GAD2: variants seen among roughly 807,000 people sequenced by gnomAD.
The protein encoded by GAD2 is 65 kDa glutamic acid decarboxylase.
Under a neutral mutation model 80.1 loss-of-function variants are expected in GAD2, and 22 were observed. The ratio of observed to expected loss-of-function variants is 0.27; its 90% confidence interval spans 0.20 to 0.39. The LOEUF (loss-of-function observed/expected upper bound fraction) is 0.39, where lower values mean the gene tolerates loss of function less well. GAD2 is among the 10% of genes least tolerant of loss of function. The pLI, the probability that GAD2 is intolerant of heterozygous loss-of-function variation, is 1.00. For synonymous variants in GAD2, 274 were observed against 256.9 expected (o/e 1.07, Z -0.64); for missense variants, 624 against 738.4 (o/e 0.85, Z 1.80).
At chr10:26,276,650 A>G (rs1845211175) in intron 11 of GAD2, among the ~76,000 whole-genome samples, 1 of 152,050 alleles carries the variant, frequency 6.6e-6, no homozygotes, top group African/African-American at 2.4e-5. Flanking sequence ...GGCCTCCCAA[A>G]ATGCTAGTAT....
chr10:26,297,926 C>A (rs1834292621), intron 15 of GAD2, among the ~76,000 whole-genome samples: 1 of 152,094 alleles, frequency 6.6e-6, no homozygotes, highest in Non-Finnish European at 1.5e-5. Context: ...AACATACATC[C>A]CATGTTTACT....
chr10:26,218,120 A>C (rs1844404631), intron 3 of GAD2, 129 bp downstream of exon 3: 2 of 995,148 alleles, frequency 2.0e-6, no homozygotes, highest in Non-Finnish European at 1.5e-6. Flanking sequence ...GGGACCTGCC[A>C]GAATCTTCAG....
At chr10:26,218,093 G>T in intron 3 of GAD2, 102 bp downstream of exon 3, 1 of 1,272,974 alleles carries the variant, frequency 7.9e-7, no homozygotes, top group South Asian at 1.5e-5. Flanking sequence ...CAGGGGCGTC[G>T]AGGTGGCAGC....
rs748178792 is a variant in GAD2 at position 26,270,806 on chromosome 10, A to G, written c.1092+50A>G. On this transcript the variant is annotated intron_variant, in intron 10 of 15. Coordinates refer to ENST00000376261, the MANE Select transcript of GAD2 (RefSeq NM_001134366.2). ...ACTAAAACGTCCTTGCACGTTTTTC[A>G]TGTGGGACACACAAAGGAAATTTGT... The G allele has an allele frequency of 2.6e-6, 3 of 1,142,842 alleles. No homozygotes were observed. The South Asian group carries it at 3.7e-5, about 14-fold the overall frequency. The allele number at this position is 1,142,842 out of a possible 1,614,324, so 70.8% of individuals were successfully genotyped here.
intron 13 of GAD2, among the ~76,000 whole-genome samples, chr10:26,288,637 A>C (rs1834177265): frequency 1.3e-5 from 2 of 152,366 alleles, no homozygotes; most frequent in Admixed American, 6.5e-5. Context: ...TGTAAATATC[A>C]GGTAGCAAGC....
rs1311625272 is a variant in GAD2, at chr10:26,300,893, C to T, written c.1690C>T (p.Pro564Ser). Residue 564 changes from proline to serine, a missense_variant, in exon 16 of 16, where the codon CCA (proline) becomes TCA (serine). Coordinates refer to ENST00000376261, the MANE Select transcript of GAD2 (RefSeq NM_001134366.2). ...VNFFRMVISN[P>S]AATHQDIDFL... ...TTTCTTCCGCATGGTCATCTCAAAC[C>T]CAGCGGCAACTCACCAAGACATTGA... The T allele has an allele frequency of 6.2e-7, 1 of 1,613,820 alleles. No individual in the cohort carries two copies. The highest frequency in any genetic ancestry group is 8.5e-7 in the Non-Finnish European group (1 of 1,179,842).
At chr10:26,284,386 T>C (rs1313432433) in intron 12 of GAD2, among the ~76,000 whole-genome samples, 3 of 152,154 alleles carry the variant, frequency 2.0e-5, no homozygotes, top group Non-Finnish European at 4.4e-5. Context: ...CACGGGAATC[T>C]CTTTATGTAC....
chr10:26,245,866 A>G (rs1378972537), intron 7 of GAD2, 55 bp from the exon 8 acceptor site: 15 of 1,341,684 alleles, frequency 1.1e-5, no homozygotes, highest in Non-Finnish European at 1.6e-5. Context: ...CAGCCAGTGG[A>G]ATGGATCTTG....
chr10:26,223,503 A>T (rs1844479632), intron 4 of GAD2, among the ~76,000 whole-genome samples: 1 of 152,178 alleles, frequency 6.6e-6, no homozygotes, highest in Non-Finnish European at 1.5e-5. Context: ...ACCTGTCTGA[A>T]TGGCTGTGGG....
intron 10 of GAD2, 142 bp downstream of exon 10, chr10:26,270,898 G>A (rs1017119061): frequency 5.7e-6 from 4 of 699,334 alleles, no homozygotes; most frequent in African/African-American, 1.8e-5. Context: ...AAAGCTGGAT[G>A]AAGCAAATTA....
At chr10:26,260,972 C>T (rs1428430679) in intron 8 of GAD2, among the ~76,000 whole-genome samples, 1 of 152,092 alleles carries the variant, frequency 6.6e-6, no homozygotes, top group Non-Finnish European at 1.5e-5. Flanking sequence ...AGGCATGCAG[C>T]GCAAAGTAAG....
rs113411593 is a variant in GAD2, at chr10:26,243,148, T to C, written c.841-2773T>C. ...GTATCACGGTAATGACTGTCCACTT[T>C]GTCATTCTTAGGTTGTAAAATGAAG... On this transcript the variant is annotated intron_variant, in intron 7 of 15. Coordinates refer to ENST00000376261, the MANE Select transcript of GAD2 (RefSeq NM_001134366.2). Among the ~76,000 whole-genome samples, 28 of 152,330 alleles carry C rather than the reference T, an allele frequency of 1.8e-4. 1 individual carries two copies. Among genetic ancestry groups the C allele is most frequent in the African/African-American group, 6.5e-4 (27 of 41,588 alleles).
At position 26,301,813 on chromosome 10, in the gene GAD2, G is replaced by A. The variant is rs569468047; in HGVS notation, c.*852G>A. On this transcript the variant is annotated 3_prime_UTR_variant, in exon 16 of 16. Coordinates refer to ENST00000376261, the MANE Select transcript of GAD2 (RefSeq NM_001134366.2). ...GTTTTCCACCCATTTTACTCTTAGC[G>A]GACTCACTCTGCAAGCGTGACAAAC... 4.6e-5 allele frequency: 7 copies of A among 152,196 alleles called. 1 individual carries two copies. The South Asian group carries it at 8.3e-4, about 18-fold the overall frequency. 9.4% of individuals were successfully genotyped at this position (152,196 alleles called of 1,614,324 possible). A position where few individuals can be genotyped will look rare whatever the true frequency, so the allele number is the denominator to read the frequency against.
Position 26,286,984 on chromosome 10 carries a change from C to G in GAD2, c.1386+490C>G, listed in dbSNP as rs545855639. ...ATTTCCCCCTAATCTCCCAAAATACCTAATCACCTCCTTTTATGTAGATTC... is the reference window on the plus strand; with the variant it reads ...ATTTCCCCCTAATCTCCCAAAATACGTAATCACCTCCTTTTATGTAGATTC... On this transcript the variant is annotated intron_variant, in intron 13 of 15. Transcript: ENST00000376261. 5.9e-5 allele frequency among the ~76,000 whole-genome samples: 9 copies of G among 152,258 alleles called. No homozygotes were observed. In the East Asian group the frequency reaches 1.7e-3, roughly 29 times the overall value.
rs576622221 is a variant in GAD2, at chr10:26,263,217, A to G, written c.921-5902A>G. ...CCTGAAAATAATGCTAAGTGATTCAATTGTGCACATTGGAAAACAAATCCT... is the reference window on the plus strand; with the variant it reads ...CCTGAAAATAATGCTAAGTGATTCAGTTGTGCACATTGGAAAACAAATCCT... On this transcript the variant is annotated intron_variant, in intron 8 of 15. Transcript: ENST00000376261. Among the ~76,000 whole-genome samples the G allele has an allele frequency of 1.3e-4, 20 of 152,350 alleles. No individual in the cohort carries two copies. The South Asian group carries it at 3.7e-3, about 28-fold the overall frequency.
At chr10:26,286,853 A>G (rs568770631) in intron 13 of GAD2, among the ~76,000 whole-genome samples, 1 of 152,334 alleles carries the variant, frequency 6.6e-6, no homozygotes, top group East Asian at 1.9e-4. Flanking sequence ...GGTGAATGCA[A>G]TCTGAAAGTA....
intron 15 of GAD2, among the ~76,000 whole-genome samples, chr10:26,296,078 A>G (rs1250677820): frequency 2.6e-5 from 4 of 152,150 alleles, no homozygotes; most frequent in Non-Finnish European, 5.9e-5. Flanking sequence ...TCAAGGTGCC[A>G]GTAGATTCCG....
rs1050757379 is a variant in GAD2 at position 26,292,510 on chromosome 10, G to A, written c.1432G>A (p.Ala478Thr). 2 of 1,614,068 alleles carry A rather than the reference G, an allele frequency of 1.2e-6. No individual in the cohort carries two copies. The highest frequency in any genetic ancestry group is 8.5e-7 in the Non-Finnish European group (1 of 1,179,962). ...GCATGTTGATAAATGTTTGGAGTTG[G>A]CAGAGTATTTATACAACATCATAAA... ...EAHVDKCLEL[A>T]EYLYNIIKNR... The change falls in exon 14 of 16, where the codon GCA becomes ACA. Residue 478 changes from alanine to threonine, a missense_variant. Coordinates refer to ENST00000376261, the MANE Select transcript of GAD2 (RefSeq NM_001134366.2).
At chr10:26,256,432 A>T (rs974528990) in intron 8 of GAD2, among the ~76,000 whole-genome samples, 2 of 152,212 alleles carry the variant, frequency 1.3e-5, no homozygotes, top group African/African-American at 4.8e-5. Flanking sequence ...TACATACCTT[A>T]TTCGTTTCTT....
Sources: allele counts gnomAD v4.1 joint callset (sites outside exome capture counted in the v4.1 genomes callset), GRCh38; gene constraint gnomAD v4.1.1; transcripts MANE v1.5; gene names NCBI Gene and HGNC (gene_info 2026-07-23, HGNC 2026-07-21).